Variants in IL1RAPL2 observed in about 807,000 individuals in gnomAD.
IL1RAPL2 encodes interleukin 1 receptor accessory protein like 2.
In IL1RAPL2, 3 loss-of-function variants were observed where a neutral mutation model predicts 44.1. The ratio of observed to expected loss-of-function variants is 0.07; its 90% CI spans 0.03 to 0.18. The LOEUF (loss-of-function observed/expected upper bound fraction) is 0.18. Among genes scored for constraint, IL1RAPL2 ranks in the 10% least tolerant of loss-of-function variants. The probability of loss-of-function intolerance (pLI) is 1.00; values close to 1 mark genes in which losing one functional copy is unlikely to be tolerated. For missense variants in IL1RAPL2, 391 were observed against 496.4 expected (o/e 0.79, Z 2.02); for synonymous variants, 181 against 178.8 (o/e 1.01, Z -0.10).
intron 6 of IL1RAPL2, among the ~76,000 whole-genome samples, chrX:105,517,216 C>G (rs1377286274): frequency 1.8e-5 from 2 of 111,841 alleles, no homozygotes; most frequent in Non-Finnish European, 3.8e-5. Context: ...ATCATTCTCT[C>G]AAGAAACTCA....
intron 6 of IL1RAPL2, among the ~76,000 whole-genome samples, chrX:105,525,998 T>G (rs1364628278): frequency 9.0e-6 from 1 of 111,616 alleles, no homozygotes; most frequent in Non-Finnish European, 1.9e-5. Context: ...CATTTTGAGA[T>G]TCATACATGG....
At chrX:105,534,203 C>T (rs1339356050) in intron 6 of IL1RAPL2, among the ~76,000 whole-genome samples, 1 of 111,638 alleles carries the variant, frequency 9.0e-6, no homozygotes, top group Non-Finnish European at 1.9e-5. Flanking sequence ...AGGAATTTTG[C>T]AAGCTGGTTG....
At chrX:105,298,303 G>T (rs996703350) in intron 5 of IL1RAPL2, among the ~76,000 whole-genome samples, 14 of 111,773 alleles carry the variant, frequency 1.3e-4, no homozygotes, top group Non-Finnish European at 5.6e-5. Flanking sequence ...GACTAAAATG[G>T]TGACAGTGAA....
intron 1 of IL1RAPL2, among the ~76,000 whole-genome samples, chrX:104,601,544 T>G (rs902145125): frequency 8.9e-5 from 10 of 112,169 alleles, no homozygotes; most frequent in Admixed American, 2.8e-4. Context: ...CCATTTGACC[T>G]AGGTCAAATG....
At chrX:105,004,597 C>A (rs747694120) in intron 2 of IL1RAPL2, among the ~76,000 whole-genome samples, 1 of 110,181 alleles carries the variant, frequency 9.1e-6, no homozygotes, top group Non-Finnish European at 1.9e-5. Context: ...GAAAATTATG[C>A]TAAGAATGAA....
chrX:105,157,421 G>A (rs943583350), intron 2 of IL1RAPL2, among the ~76,000 whole-genome samples: 2 of 111,866 alleles, frequency 1.8e-5, no homozygotes, highest in Non-Finnish European at 3.8e-5. Flanking sequence ...TAACTCAGCC[G>A]CTACAATTAT....
At chrX:104,891,121 T>G (rs1318858311) in intron 2 of IL1RAPL2, among the ~76,000 whole-genome samples, 1 of 111,504 alleles carries the variant, frequency 9.0e-6, no homozygotes, top group East Asian at 2.8e-4. Context: ...ATGTGTGGTA[T>G]TATTTCTGAG....
At position 104,786,235 on chromosome X, in the gene IL1RAPL2, C is replaced by G. The variant is rs1029736272; in HGVS notation, c.82+127240C>G. ...GTGTGGTGCAAAGATTGAGGTGGGA[C>G]CAACATTATTGGCATCCCCGGATTT... On this transcript the variant is annotated intron_variant, in intron 2 of 10. Transcript: ENST00000372582. 2.7e-5 allele frequency among the ~76,000 whole-genome samples: 3 copies of G among 111,314 alleles called. No individual in the cohort carries two copies. The East Asian group carries it at 8.4e-4, about 31-fold the overall frequency.
At chrX:104,840,544 A>G (rs1921873471) in intron 2 of IL1RAPL2, among the ~76,000 whole-genome samples, 2 of 111,970 alleles carry the variant, frequency 1.8e-5, no homozygotes, top group Admixed American at 1.9e-4. Context: ...TATTCTGTCA[A>G]TTTGGGGTGG....
intron 6 of IL1RAPL2, among the ~76,000 whole-genome samples, chrX:105,578,083 C>T (rs1232702119): frequency 1.0e-5 from 1 of 99,260 alleles, no homozygotes; most frequent in Admixed American, 1.1e-4. Context: ...TTCCTGTGTC[C>T]ATGTGTTCTC....
rs7892488 is a variant in IL1RAPL2, at chrX:105,326,432, A to G, written c.697+58891A>G. On this transcript the variant is annotated intron_variant, in intron 5 of 10. Coordinates refer to ENST00000372582, the MANE Select transcript of IL1RAPL2 (RefSeq NM_017416.2). ...ATTTTTTACGAAGTCCAATTGACCT[A>G]ATTTTTATCTTGTTGCTTGCGTGTT... is the stretch of plus-strand genomic sequence containing the variant. 4.2e-3 allele frequency among the ~76,000 whole-genome samples: 460 copies of G among 110,808 alleles called. 3 individuals carry two copies. The highest frequency in any genetic ancestry group is 0.014 in the African/African-American group (437 of 30,469).
rs144720673 is a variant in IL1RAPL2, at chrX:105,286,175, C to T, written c.697+18634C>T. On this transcript the variant is annotated intron_variant, in intron 5 of 10. Transcript: ENST00000372582. ...AGTCTCCCTTGCTTGAAAGGAAATA[C>T]GATGGAATGAAAAGGGCACAGGCTT... Among the ~76,000 whole-genome samples, 67 of 110,988 alleles carry T rather than the reference C, an allele frequency of 6.0e-4. No individual in the cohort carries two copies. In the East Asian group the frequency reaches 0.011, roughly 18 times the overall value.
chrX:105,470,351 G>T (rs1026762854), intron 5 of IL1RAPL2, among the ~76,000 whole-genome samples: 1 of 111,709 alleles, frequency 9.0e-6, no homozygotes, highest in African/African-American at 3.2e-5. Context: ...ATTGTTCAAG[G>T]TTACACTATA....
intron 3 of IL1RAPL2, among the ~76,000 whole-genome samples, chrX:105,197,935 GC>G (rs1353671411): frequency 9.0e-6 from 1 of 110,998 alleles, no homozygotes; most frequent in African/African-American, 3.3e-5. Context: ...CCTCAAGGAG[GC>G]CACAGTTTCT....
chrX:104,864,812 G>A (rs1922576193), intron 2 of IL1RAPL2, among the ~76,000 whole-genome samples: 1 of 111,658 alleles, frequency 9.0e-6, no homozygotes, highest in Admixed American at 9.5e-5. Flanking sequence ...GATGTGCAGT[G>A]GGGAAAGGAG....
chrX:104,654,149 C>A (rs1930207791), intron 1 of IL1RAPL2, among the ~76,000 whole-genome samples: 1 of 110,949 alleles, frequency 9.0e-6, no homozygotes, highest in Admixed American at 9.6e-5. Context: ...AATTCCTTAC[C>A]CTTTTCAGTT....
intron 6 of IL1RAPL2, among the ~76,000 whole-genome samples, chrX:105,713,495 C>G (rs774681745): frequency 1.8e-5 from 2 of 111,759 alleles, no homozygotes; most frequent in African/African-American, 6.5e-5. Context: ...AACTCCCTCA[C>G]TGTCATGAGA....
chrX:104,912,137 ATTT>A (rs11319968), intron 2 of IL1RAPL2, among the ~76,000 whole-genome samples: 51 of 105,403 alleles, frequency 4.8e-4, no homozygotes, highest in East Asian at 3.0e-4. Flanking sequence ...GTGGACAGGG[ATTT>A]TTTTTTTTCT....
chrX:105,167,518 CT>C (rs1463846917), intron 2 of IL1RAPL2, among the ~76,000 whole-genome samples: 7 of 111,657 alleles, frequency 6.3e-5, no homozygotes, highest in Non-Finnish European at 1.3e-4. Context: ...TGGTGAGTCA[CT>C]TTAACAGGAG....
Sources: gnomAD v4.1 joint callset for allele counts (sites outside exome capture counted in the v4.1 genomes callset) on GRCh38, gnomAD v4.1.1 for gene constraint, MANE v1.5 for transcripts, NCBI Gene and HGNC (gene_info 2026-07-23, HGNC 2026-07-21) for gene names.